EYS: variants seen among roughly 807,000 people sequenced by gnomAD.
The protein encoded by EYS is protein eyes shut homolog.
In EYS, 250 loss-of-function variants were observed where a neutral mutation model predicts 282.1. That is an observed-to-expected ratio of 0.89 (90% CI 0.80 to 0.98). The LOEUF (loss-of-function observed/expected upper bound fraction) is 0.98, where lower values mean the gene tolerates loss of function less well. EYS is among the 50% of genes least tolerant of loss of function. EYS has a pLI of 0.00. For synonymous variants in EYS, 1,355 were observed against 1,282.9 expected, an observed-to-expected ratio of 1.06 and a Z score of -1.20; for missense variants, 4,016 against 3,709.0, an observed-to-expected ratio of 1.08 and a Z score of -2.15.
At chr6:63,786,371 T>G (rs2149669317) in intron 39 of EYS, among the ~76,000 whole-genome samples, 1 of 152,214 alleles carries the variant, frequency 6.6e-6, no homozygotes, top group African/African-American at 2.4e-5. Flanking sequence ...TCCATTTGCT[T>G]TGCTTCGTTA....
intron 12 of EYS, among the ~76,000 whole-genome samples, chr6:65,245,785 G>C (rs1767164161): frequency 6.6e-6 from 1 of 151,772 alleles, no homozygotes; most frequent in Non-Finnish European, 1.5e-5. Context: ...CAACTTTTTT[G>C]TTGTTTCTGG....
intron 26 of EYS, among the ~76,000 whole-genome samples, chr6:64,482,304 G>A (rs1476792867): frequency 1.3e-5 from 2 of 151,592 alleles, no homozygotes; most frequent in Non-Finnish European, 3.0e-5. Flanking sequence ...AGTGGATGTT[G>A]GGGACTCAAA....
intron 5 of EYS, among the ~76,000 whole-genome samples, chr6:65,406,584 AT>A (rs1365088817): frequency 2.0e-5 from 3 of 152,012 alleles, no homozygotes; most frequent in African/African-American, 4.8e-5. Flanking sequence ...ATTTGAGTTT[AT>A]TTTTTATATG....
At chr6:63,778,677 T>A (rs935613082) in intron 39 of EYS, among the ~76,000 whole-genome samples, 39 of 152,296 alleles carry the variant, frequency 2.6e-4, no homozygotes, top group Admixed American at 2.4e-3. Flanking sequence ...TGTATATCTT[T>A]GTCCATTTAA....
intron 28 of EYS, among the ~76,000 whole-genome samples, chr6:64,432,054 G>A (rs1264999862): frequency 6.6e-6 from 1 of 152,068 alleles, no homozygotes; most frequent in Non-Finnish European, 1.5e-5. Context: ...GCATGTGGAT[G>A]ACTGTACATA....
At chr6:64,372,422 G>A (rs1179150341) in intron 29 of EYS, among the ~76,000 whole-genome samples, 10 of 152,210 alleles carry the variant, frequency 6.6e-5, no homozygotes, top group African/African-American at 2.4e-4. Flanking sequence ...TAGCCTGACA[G>A]GGTATCCTCT....
At chr6:63,808,564 A>C (rs1770963412) in intron 36 of EYS, among the ~76,000 whole-genome samples, 1 of 152,216 alleles carries the variant, frequency 6.6e-6, no homozygotes, top group Non-Finnish European at 1.5e-5. Context: ...ATCTAAATGT[A>C]AGGCAATTTA....
intron 22 of EYS, among the ~76,000 whole-genome samples, chr6:64,705,149 T>C (rs979087148): frequency 6.6e-6 from 1 of 152,178 alleles, no homozygotes; most frequent in Non-Finnish European, 1.5e-5. Context: ...AAAAGATTAA[T>C]GTACACAAAT....
At chr6:64,358,708 C>A (rs1006574445) in intron 29 of EYS, among the ~76,000 whole-genome samples, 1 of 151,540 alleles carries the variant, frequency 6.6e-6, no homozygotes, top group African/African-American at 2.4e-5. Context: ...AATCTGGGGT[C>A]ATGTTGAGTT....
intron 12 of EYS, among the ~76,000 whole-genome samples, chr6:65,140,185 G>C (rs560916173): frequency 2.8e-4 from 43 of 152,084 alleles, no homozygotes; most frequent in Non-Finnish European, 5.9e-4. Context: ...AGAAATATAA[G>C]ATATTAAGAA....
chr6:64,107,814 G>A (rs1406159355), intron 31 of EYS, among the ~76,000 whole-genome samples: 5 of 152,052 alleles, frequency 3.3e-5, no homozygotes, highest in Admixed American at 6.6e-5. Context: ...TGTAGGGTGA[G>A]GGGAAGAGTT....
At chr6:64,417,912 T>A (rs2150448622) in intron 28 of EYS, among the ~76,000 whole-genome samples, 1 of 152,280 alleles carries the variant, frequency 6.6e-6, no homozygotes, top group East Asian at 1.9e-4. Flanking sequence ...CCTCAAGGGA[T>A]CCACCTGCAT....
chr6:64,940,174 G>A (rs975022007), intron 15 of EYS, among the ~76,000 whole-genome samples: 2 of 151,908 alleles, frequency 1.3e-5, no homozygotes, highest in African/African-American at 4.8e-5. Flanking sequence ...AGCTCAAGTC[G>A]GTAAGTCCTT....
intron 35 of EYS, among the ~76,000 whole-genome samples, chr6:63,886,273 A>G (rs1050732133): frequency 5.3e-5 from 8 of 152,174 alleles, no homozygotes; most frequent in Non-Finnish European, 1.2e-4. Context: ...AGTACATTTT[A>G]CAGGGTTAAA....
chr6:63,788,044 T>C, intron 39 of EYS, 61 bp downstream of exon 39: 1 of 1,300,186 alleles, frequency 7.7e-7, no homozygotes, highest in Non-Finnish European at 1.0e-6. Context: ...CTCTTTAAAA[T>C]ATTTTTTTCC....
intron 31 of EYS, among the ~76,000 whole-genome samples, chr6:64,124,607 C>T (rs1162417100): frequency 6.6e-6 from 1 of 152,084 alleles, no homozygotes; most frequent in Non-Finnish European, 1.5e-5. Context: ...ATTCTAGGCT[C>T]CCCCTAGACC....
chr6:63,876,453 T>C (rs1174861124), intron 35 of EYS, among the ~76,000 whole-genome samples: 1 of 152,214 alleles, frequency 6.6e-6, no homozygotes, highest in Non-Finnish European at 1.5e-5. Flanking sequence ...ATTCTGTTGA[T>C]TTGGGGTTGA....
intron 26 of EYS, among the ~76,000 whole-genome samples, chr6:64,487,926 C>G (rs1048989916): frequency 6.6e-6 from 1 of 150,868 alleles, no homozygotes; most frequent in Non-Finnish European, 1.5e-5. Context: ...ATAAATTTTA[C>G]AGAACTTAAA....
intron 31 of EYS, among the ~76,000 whole-genome samples, chr6:64,189,779 T>C (rs35393694): frequency 0.34 from 51,544 of 151,988 alleles, 8,793 homozygotes; most frequent in East Asian, 0.54. Context: ...ATTTTAGACT[T>C]GCCAGCCCCC....
Sources: gnomAD v4.1 joint callset for allele counts (sites outside exome capture counted in the v4.1 genomes callset) on GRCh38, gnomAD v4.1.1 for gene constraint, MANE v1.5 for transcripts, NCBI Gene and HGNC (gene_info 2026-07-23, HGNC 2026-07-21) for gene names.